The following RABGAP1L variants were observed in gnomAD, a reference collection of about 807,000 sequenced individuals.
The protein encoded by RABGAP1L is rab GTPase-activating protein 1-like.
Under a neutral mutation model 137.7 loss-of-function variants are expected in RABGAP1L, and 63 were observed. The ratio of observed to expected loss-of-function variants is 0.46; its 90% CI spans 0.37 to 0.56. The LOEUF is 0.56. RABGAP1L is among the 20% of genes least tolerant of loss of function. RABGAP1L has a pLI of 0.00. For missense variants in RABGAP1L, 1,095 were observed against 1,244.0 expected, an observed-to-expected ratio of 0.88 and a Z score of 1.80; for synonymous variants, 431 against 433.7, an observed-to-expected ratio of 0.99 and a Z score of 0.08.
At chr1:174,667,830 C>G (rs142497158) in intron 14 of RABGAP1L, among the ~76,000 whole-genome samples, 141 of 152,208 alleles carry the variant, frequency 9.3e-4, no homozygotes, top group African/African-American at 3.1e-3. Context: ...ACATGTTGAC[C>G]TCCTCCACAG....
chr1:174,486,050 G>T (rs1466566594), intron 13 of RABGAP1L, among the ~76,000 whole-genome samples: 1 of 151,958 alleles, frequency 6.6e-6, no homozygotes, highest in African/African-American at 2.4e-5. Flanking sequence ...TTTCTTCCTT[G>T]TTCACTCTTG....
At chr1:174,351,200 C>T (rs1683154321) in intron 11 of RABGAP1L, among the ~76,000 whole-genome samples, 2 of 151,970 alleles carry the variant, frequency 1.3e-5, no homozygotes. Context: ...GAGTAGTTTA[C>T]TAGTTTACAA....
At chr1:174,280,744 G>A (rs1202721761) in intron 10 of RABGAP1L, among the ~76,000 whole-genome samples, 1 of 152,204 alleles carries the variant, frequency 6.6e-6, no homozygotes, top group African/African-American at 2.4e-5. Context: ...GTAAACTAGA[G>A]GCTGGGAAAG....
At position 174,990,235 on chromosome 1, in the gene RABGAP1L, A is replaced by G. The variant is rs575048287; in HGVS notation, c.*234A>G. The G allele has an allele frequency of 1.3e-4, 55 of 420,718 alleles. 1 individual carries two copies. The East Asian group carries it at 1.9e-3, about 15-fold the overall frequency. The allele number at this position is 420,718 out of a possible 1,614,324, so 26.1% of individuals were successfully genotyped here. On this transcript the variant is annotated 3_prime_UTR_variant, in exon 26 of 26. Coordinates refer to ENST00000681986, the MANE Select transcript of RABGAP1L (RefSeq NM_001366446.1). ...CTGGAAGGCCATGTTCAGATCCATC[A>G]TAGTATTACACATTATTTTGTTTGC...
At chr1:174,847,757 G>C (rs1647293409) in intron 19 of RABGAP1L, among the ~76,000 whole-genome samples, 1 of 105,610 alleles carries the variant, frequency 9.5e-6, no homozygotes, top group South Asian at 3.8e-4. Context: ...TGTATTTCCT[G>C]AGTCTGAACG....
chr1:174,580,599 G>T (rs1668668463), intron 13 of RABGAP1L, among the ~76,000 whole-genome samples: 1 of 152,016 alleles, frequency 6.6e-6, no homozygotes, highest in African/African-American at 2.4e-5. Context: ...ATGGACACAG[G>T]AAGGGGAACA....
intron 1 of RABGAP1L, among the ~76,000 whole-genome samples, chr1:174,183,403 G>A (rs1666539092): frequency 6.6e-6 from 1 of 152,148 alleles, no homozygotes; most frequent in Admixed American, 6.5e-5. Flanking sequence ...TGGGATTACA[G>A]GTGTGAGCCA....
At chr1:174,345,224 T>C (rs1289113266) in intron 11 of RABGAP1L, among the ~76,000 whole-genome samples, 3 of 152,218 alleles carry the variant, frequency 2.0e-5, no homozygotes, top group African/African-American at 7.2e-5. Flanking sequence ...GGTAATGTGA[T>C]TCTTCCAGTT....
At chr1:174,314,031 T>C (rs953892724) in intron 11 of RABGAP1L, among the ~76,000 whole-genome samples, 1 of 152,212 alleles carries the variant, frequency 6.6e-6, no homozygotes, top group African/African-American at 2.4e-5. Context: ...AGAATGAGTC[T>C]GGACATTTGG....
At chr1:174,760,039 A>G (rs1324706514) in intron 18 of RABGAP1L, among the ~76,000 whole-genome samples, 1 of 152,180 alleles carries the variant, frequency 6.6e-6, no homozygotes, top group Non-Finnish European at 1.5e-5. Context: ...GAGGTTTATG[A>G]AAGAGGTAGG....
intron 13 of RABGAP1L, among the ~76,000 whole-genome samples, chr1:174,606,578 C>T (rs1277120921): frequency 6.6e-6 from 1 of 152,202 alleles, no homozygotes; most frequent in African/African-American, 2.4e-5. Flanking sequence ...TTTTCAGTAT[C>T]TTTGTCATTT....
chr1:174,436,840 T>A (rs1010590192), intron 13 of RABGAP1L, among the ~76,000 whole-genome samples: 1 of 152,118 alleles, frequency 6.6e-6, no homozygotes, highest in Admixed American at 6.5e-5. Flanking sequence ...GACTGAAACC[T>A]CACACAGCCA....
chr1:174,321,246 A>G (rs186101755), intron 11 of RABGAP1L, among the ~76,000 whole-genome samples: 26 of 152,300 alleles, frequency 1.7e-4, no homozygotes, highest in African/African-American at 4.6e-4. Flanking sequence ...ATCAATGACA[A>G]TGTGTGCCCA....
chr1:174,262,122 A>T (rs1208836480), intron 7 of RABGAP1L, among the ~76,000 whole-genome samples: 1 of 152,210 alleles, frequency 6.6e-6, no homozygotes, highest in African/African-American at 2.4e-5. Context: ...TAATGATTTC[A>T]TGTGACAATT....
At chr1:174,292,223 G>A (rs1365773288) in intron 10 of RABGAP1L, among the ~76,000 whole-genome samples, 1 of 150,100 alleles carries the variant, frequency 6.7e-6, no homozygotes, top group East Asian at 2.0e-4. Context: ...TATGGATGGG[G>A]TGTTGCTATG....
chr1:174,810,637 A>G (rs1302017495), intron 18 of RABGAP1L, among the ~76,000 whole-genome samples: 1 of 152,194 alleles, frequency 6.6e-6, no homozygotes, highest in African/African-American at 2.4e-5. Flanking sequence ...ACTATTAAGT[A>G]CTGACTGTAA....
rs539884961 is a variant in RABGAP1L, at chr1:174,994,639, G to C, written c.*4638G>C. ...TGAATTGTGAGAATATAAATGCATC[G>C]AAAGACTCTGGTGTCATGAAAGCAC... On this transcript the variant is annotated 3_prime_UTR_variant, in exon 26 of 26. Coordinates refer to ENST00000681986, the MANE Select transcript of RABGAP1L (RefSeq NM_001366446.1). The C allele has an allele frequency of 1.3e-5, 2 of 152,078 alleles. No individual in the cohort carries two copies. The highest frequency in any genetic ancestry group is 4.8e-5 in the African/African-American group (2 of 41,406). The allele number at this position is 152,078 out of a possible 1,614,324, so 9.4% of individuals were successfully genotyped here.
intron 20 of RABGAP1L, among the ~76,000 whole-genome samples, chr1:174,959,135 A>G (rs1002522822): frequency 3.3e-5 from 5 of 152,238 alleles, no homozygotes; most frequent in African/African-American, 7.2e-5. Flanking sequence ...AAAATCCCAC[A>G]TACTTCTATA....
intron 7 of RABGAP1L, among the ~76,000 whole-genome samples, chr1:174,257,050 C>A (rs1227194150): frequency 1.3e-5 from 2 of 152,160 alleles, no homozygotes; most frequent in Non-Finnish European, 2.9e-5. Flanking sequence ...CACCTCCTCC[C>A]CCCAGTACTA....
Sources: gnomAD v4.1 joint callset for allele counts (sites outside exome capture counted in the v4.1 genomes callset) on GRCh38, gnomAD v4.1.1 for gene constraint, MANE v1.5 for transcripts, NCBI Gene and HGNC (gene_info 2026-07-23, HGNC 2026-07-21) for gene names.